Variants in EPHA6 observed in about 807,000 individuals in gnomAD.
The protein encoded by EPHA6 is ephrin type-A receptor 6.
EPHA6 carries 50 observed loss-of-function variants against 112.0 expected under a neutral mutation model. The ratio of observed to expected loss-of-function variants is 0.45; its 90% CI spans 0.36 to 0.56. The LOEUF is 0.56. EPHA6 is among the 20% of genes least tolerant of loss of function. The pLI, the probability that EPHA6 is intolerant of heterozygous loss-of-function variation, is 0.00. For missense variants in EPHA6, 1,280 were observed against 1,417.4 expected (o/e 0.90, Z 1.56); for synonymous variants, 529 against 490.7 (o/e 1.08, Z -1.03).
At chr3:97,283,561 A>G (rs2108668946) in intron 5 of EPHA6, among the ~76,000 whole-genome samples, 1 of 152,222 alleles carries the variant, frequency 6.6e-6, no homozygotes, top group South Asian at 2.1e-4. Context: ...TTATAATATT[A>G]AATGTTGCTA....
intron 5 of EPHA6, among the ~76,000 whole-genome samples, chr3:97,302,554 A>G (rs539619271): frequency 6.6e-6 from 1 of 150,976 alleles, no homozygotes; most frequent in Admixed American, 6.6e-5. Flanking sequence ...AGTGGTATAT[A>G]TTGTCTTTGC....
At chr3:97,547,687 C>G (rs990107186) in intron 11 of EPHA6, among the ~76,000 whole-genome samples, 8 of 152,216 alleles carry the variant, frequency 5.3e-5, no homozygotes, top group African/African-American at 1.7e-4. Flanking sequence ...AGGCAGGACT[C>G]CTTGAGCTGT....
intron 13 of EPHA6, 56 bp from the exon 14 acceptor site, chr3:97,637,817 A>G: frequency 7.8e-7 from 1 of 1,276,224 alleles, no homozygotes; most frequent in South Asian, 1.2e-5. Context: ...TTTAATACAC[A>G]CACGCACACA....
At chr3:97,395,725 T>A (rs1258016276) in intron 5 of EPHA6, among the ~76,000 whole-genome samples, 1 of 150,974 alleles carries the variant, frequency 6.6e-6, no homozygotes, top group Non-Finnish European at 1.5e-5. Context: ...CACACACACA[T>A]TCCTGTCCTA....
chr3:96,901,476 AT>A (rs565569852), intron 2 of EPHA6, among the ~76,000 whole-genome samples: 4,550 of 146,580 alleles, frequency 0.031, 213 homozygotes, highest in African/African-American at 0.1. Context: ...CTGGGAAAAG[AT>A]TTTTTTTTTT....
chr3:97,679,357 A>G (rs1274522429), intron 14 of EPHA6, among the ~76,000 whole-genome samples: 1 of 152,136 alleles, frequency 6.6e-6, no homozygotes, highest in Non-Finnish European at 1.5e-5. Context: ...ATAATCATGG[A>G]AAATTATGAG....
intron 1 of EPHA6, among the ~76,000 whole-genome samples, chr3:96,836,414 A>C (rs77141690): frequency 0.014 from 2,204 of 152,186 alleles, 61 homozygotes; most frequent in African/African-American, 0.05. Flanking sequence ...TCCTTGGTAA[A>C]GTGCTGATAA....
chr3:97,179,098 C>G (rs2076914777), intron 3 of EPHA6, among the ~76,000 whole-genome samples: 1 of 151,890 alleles, frequency 6.6e-6, no homozygotes, highest in African/African-American at 2.4e-5. Flanking sequence ...TGTGTATTTT[C>G]AAATAACCTG....
chr3:97,219,098 C>G (rs1209455034), intron 3 of EPHA6, among the ~76,000 whole-genome samples: 1 of 152,128 alleles, frequency 6.6e-6, no homozygotes, highest in Non-Finnish European at 1.5e-5. Flanking sequence ...AGATCTACCC[C>G]TGTGGCTTTG....
At position 97,328,052 on chromosome 3, in the gene EPHA6, CACAT is replaced by C. The variant is rs1288162042; in HGVS notation, c.1607-77096_1607-77093del. Among the ~76,000 whole-genome samples, 7 of 56,998 alleles carry C rather than the reference CACAT, an allele frequency of 1.2e-4. 1 individual carries two copies. Among genetic ancestry groups the C allele is most frequent in the African/African-American group, 5.2e-4 (6 of 11,620 alleles). The allele number at this position is 56,998 out of a possible 152,430, so 37.4% of individuals were successfully genotyped here. A position where few individuals can be genotyped will look rare whatever the true frequency, so the allele number is the denominator to read the frequency against. ...ATGTGTATATATACACACATATATA[CACAT>C]ATATATATATATATATATATATAAC... On this transcript the variant is annotated intron_variant, in intron 5 of 17. Coordinates refer to ENST00000389672, the MANE Select transcript of EPHA6 (RefSeq NM_001080448.3).
chr3:96,991,108 G>C (rs1482440934), intron 3 of EPHA6, among the ~76,000 whole-genome samples: 1 of 151,954 alleles, frequency 6.6e-6, no homozygotes, highest in Non-Finnish European at 1.5e-5. Context: ...TCCTGCCTTA[G>C]CCTCCCAAAG....
At chr3:96,953,450 T>C (rs191829895) in intron 2 of EPHA6, among the ~76,000 whole-genome samples, 1 of 152,300 alleles carries the variant, frequency 6.6e-6, no homozygotes, top group Admixed American at 6.5e-5. Context: ...AAATAGTACA[T>C]TGTAGCACAA....
chr3:97,462,543 T>C (rs528172961), intron 7 of EPHA6, among the ~76,000 whole-genome samples: 6 of 152,222 alleles, frequency 3.9e-5, no homozygotes, highest in African/African-American at 1.4e-4. Flanking sequence ...ATTAAAATAA[T>C]AGTCATCTCA....
At chr3:97,407,001 C>A (rs1206478124) in intron 6 of EPHA6, among the ~76,000 whole-genome samples, 1 of 152,024 alleles carries the variant, frequency 6.6e-6, no homozygotes, top group Non-Finnish European at 1.5e-5. Flanking sequence ...CAAAATATTT[C>A]TCTGTGTTTT....
At chr3:97,009,021 G>A (rs2043986269) in intron 3 of EPHA6, among the ~76,000 whole-genome samples, 1 of 152,060 alleles carries the variant, frequency 6.6e-6, no homozygotes, top group African/African-American at 2.4e-5. Flanking sequence ...TGGCACCTCT[G>A]ACCTTGAAGG....
intron 11 of EPHA6, among the ~76,000 whole-genome samples, chr3:97,549,017 A>T (rs1452001354): frequency 6.6e-6 from 1 of 152,212 alleles, no homozygotes; most frequent in Non-Finnish European, 1.5e-5. Flanking sequence ...GCATAAACAA[A>T]CATACTGCAC....
At chr3:97,651,744 G>A (rs2094108833) in intron 14 of EPHA6, among the ~76,000 whole-genome samples, 1 of 152,026 alleles carries the variant, frequency 6.6e-6, no homozygotes, top group African/African-American at 2.4e-5. Context: ...AGATCAATCA[G>A]CACATGTCCA....
chr3:97,170,643 A>G (rs1181297783), intron 3 of EPHA6, among the ~76,000 whole-genome samples: 5 of 152,146 alleles, frequency 3.3e-5, no homozygotes, highest in African/African-American at 7.2e-5. Context: ...AGGCTGAGGC[A>G]GGAGAATTGC....
At chr3:97,083,507 C>A (rs911887952) in intron 3 of EPHA6, among the ~76,000 whole-genome samples, 1 of 151,968 alleles carries the variant, frequency 6.6e-6, no homozygotes, top group Non-Finnish European at 1.5e-5. Context: ...ATATGGCAGA[C>A]CAAGACTGAT....
Sources: allele counts gnomAD v4.1 joint callset (sites outside exome capture counted in the v4.1 genomes callset), GRCh38; gene constraint gnomAD v4.1.1; transcripts MANE v1.5; gene names NCBI Gene and HGNC (gene_info 2026-07-23, HGNC 2026-07-21).